RORA: variants seen among roughly 807,000 people sequenced by gnomAD.
RORA encodes RAR related orphan receptor A, also known as nuclear receptor ROR-alpha.
In RORA, 7 loss-of-function variants were observed where a neutral mutation model predicts 69.5. The ratio of observed to expected loss-of-function variants is 0.10; its 90% CI spans 0.06 to 0.19. The LOEUF (loss-of-function observed/expected upper bound fraction) is 0.19. RORA is among the 10% of genes least tolerant of loss of function. RORA has a pLI of 1.00. For missense variants in RORA, 457 were observed against 663.0 expected (o/e 0.69, Z 3.41); for synonymous variants, 261 against 240.8 (o/e 1.08, Z -0.78).
At chr15:60,960,046 AT>A (rs1157878922) in intron 1 of RORA, among the ~76,000 whole-genome samples, 1 of 151,896 alleles carries the variant, frequency 6.6e-6, no homozygotes, top group Admixed American at 6.6e-5. Context: ...TGAAAACAGG[AT>A]TTTTTTTGTG....
At chr15:60,645,859 C>T (rs986254827) in intron 2 of RORA, among the ~76,000 whole-genome samples, 1 of 150,558 alleles carries the variant, frequency 6.6e-6, no homozygotes, top group Non-Finnish European at 1.5e-5. Flanking sequence ...TACATATATA[C>T]AGCATATACA....
intron 1 of RORA, among the ~76,000 whole-genome samples, chr15:60,835,785 T>G (rs957344591): frequency 2.6e-5 from 4 of 152,360 alleles, no homozygotes; most frequent in East Asian, 1.9e-4. Context: ...GGTTTACTAT[T>G]CTGACATGCA....
chr15:60,934,767 T>C (rs1314910306), intron 1 of RORA, among the ~76,000 whole-genome samples: 1 of 152,234 alleles, frequency 6.6e-6, no homozygotes, highest in East Asian at 1.9e-4. Flanking sequence ...CCTCAAGCCA[T>C]CACTGGCTGG....
chr15:60,892,373 G>C (rs993445179), intron 1 of RORA, among the ~76,000 whole-genome samples: 1 of 152,138 alleles, frequency 6.6e-6, no homozygotes, highest in Admixed American at 6.5e-5. Flanking sequence ...GGGGAGGAGG[G>C]TAATTATATA....
intron 1 of RORA, among the ~76,000 whole-genome samples, chr15:61,219,334 G>A (rs968344966): frequency 3.9e-5 from 6 of 152,182 alleles, no homozygotes; most frequent in Non-Finnish European, 5.9e-5. Context: ...CAGCACTTTG[G>A]GAGGCCAAGG....
Position 60,489,829 on chromosome 15 carries a change from G to C in RORA, c.*7626C>G, listed in dbSNP as rs2065013248. 6.6e-6 allele frequency: 1 copy of C among 152,030 alleles called. No individual in the cohort carries two copies. Among genetic ancestry groups the C allele is most frequent in the Non-Finnish European group, 1.5e-5 (1 of 68,002 alleles). The allele number at this position is 152,030 out of a possible 1,614,324, so 9.4% of individuals were successfully genotyped here. A position where few individuals can be genotyped will look rare whatever the true frequency, so the allele number is the denominator to read the frequency against. ...AAGAATACAACTGTGTTAGGTGCCAGTAATACAATTCCTTAATAAGAAAAA... is the reference window on the plus strand; with the variant it reads ...AAGAATACAACTGTGTTAGGTGCCACTAATACAATTCCTTAATAAGAAAAA... On this transcript the variant is annotated 3_prime_UTR_variant, in exon 11 of 11. Transcript: ENST00000335670.
At position 60,702,881 on chromosome 15, in the gene RORA, T is replaced by G. The variant is rs151130821; in HGVS notation, c.167-24195A>C. On this transcript the variant is annotated intron_variant, in intron 1 of 10. Coordinates refer to ENST00000335670, the MANE Select transcript of RORA (RefSeq NM_134261.3). Reference sequence around the variant, plus strand: ...TTGTGTGGAATGGGCCTTTTCCCTCTTGCCATTTTCATTCAAAATATCTGT... The same window carrying G: ...TTGTGTGGAATGGGCCTTTTCCCTCGTGCCATTTTCATTCAAAATATCTGT... Among the ~76,000 whole-genome samples the G allele has an allele frequency of 4.7e-3, 717 of 152,334 alleles. 8 individuals are homozygous for G. The highest frequency in any genetic ancestry group is 0.017 in the African/African-American group (694 of 41,576).
chr15:60,545,859 G>A (rs2067052762), intron 2 of RORA, among the ~76,000 whole-genome samples: 1 of 152,274 alleles, frequency 6.6e-6, no homozygotes, highest in East Asian at 1.9e-4. Flanking sequence ...CCTCAGTGGG[G>A]CAGGCGAGAT....
chr15:60,886,139 T>C (rs921850691), intron 1 of RORA, among the ~76,000 whole-genome samples: 1 of 152,176 alleles, frequency 6.6e-6, no homozygotes. Flanking sequence ...AGCCGAGAAA[T>C]TGTTATATGT....
At chr15:60,678,737 G>A (rs753897738) in intron 1 of RORA, 51 bp from the exon 2 acceptor site, 4 of 1,477,456 alleles carry the variant, frequency 2.7e-6, no homozygotes, top group Non-Finnish European at 3.8e-6. Flanking sequence ...TGTGTGTGCT[G>A]CTTTGAATGT....
intron 1 of RORA, among the ~76,000 whole-genome samples, chr15:61,187,955 C>A (rs2079760251): frequency 6.6e-6 from 1 of 152,172 alleles, no homozygotes; most frequent in South Asian, 2.1e-4. Flanking sequence ...CAACCCTCCC[C>A]TAACACACCC....
chr15:60,558,066 A>C, intron 2 of RORA: 1 of 442,054 alleles, frequency 2.3e-6, no homozygotes, highest in East Asian at 3.4e-5. Flanking sequence ...CAATGACGAA[A>C]GAGAGAATTA....
At chr15:60,592,704 G>A (rs2068569278) in intron 2 of RORA, 11 of 1,050,044 alleles carry the variant, frequency 1.0e-5, no homozygotes, top group South Asian at 3.5e-5. Flanking sequence ...CCGCGGGCAG[G>A]TGAGTAGCAG....
rs201402808 is a variant in RORA, at chr15:61,135,891, CA to C, written c.166+93161del. ...AGCCAACTTGCTGCCACCTTTGAAA[CA>C]CTAGTAAAACTAACCCATAGCTGTA... On this transcript the variant is annotated intron_variant, in intron 1 of 10. Coordinates refer to ENST00000335670, the MANE Select transcript of RORA (RefSeq NM_134261.3). Among the ~76,000 whole-genome samples, 1,234 of 152,284 alleles carry C rather than the reference CA, an allele frequency of 8.1e-3. 15 individuals carry two copies. Among genetic ancestry groups the C allele is most frequent in the African/African-American group, 0.028 (1,167 of 41,548 alleles).
At chr15:60,895,858 C>A (rs747065854) in intron 1 of RORA, among the ~76,000 whole-genome samples, 1 of 152,156 alleles carries the variant, frequency 6.6e-6, no homozygotes, top group Non-Finnish European at 1.5e-5. Flanking sequence ...CTTCACTGCT[C>A]AATTTGTTCA....
chr15:60,826,079 A>G (rs1422085919), intron 1 of RORA, among the ~76,000 whole-genome samples: 2 of 152,192 alleles, frequency 1.3e-5, no homozygotes, highest in African/African-American at 2.4e-5. Flanking sequence ...CCGCTTTCCA[A>G]ATATGAGGAA....
At chr15:61,112,673 G>A (rs796572961) in intron 1 of RORA, among the ~76,000 whole-genome samples, 9 of 152,314 alleles carry the variant, frequency 5.9e-5, no homozygotes, top group African/African-American at 2.2e-4. Context: ...CAGGCTCTGT[G>A]CTAAGAACAT....
intron 1 of RORA, among the ~76,000 whole-genome samples, chr15:61,122,259 C>A (rs1430112245): frequency 6.6e-6 from 1 of 152,194 alleles, no homozygotes; most frequent in Non-Finnish European, 1.5e-5. Context: ...TAAAATCTCA[C>A]AATGGATAAC....
At chr15:60,737,951 A>G (rs2071524511) in intron 1 of RORA, among the ~76,000 whole-genome samples, 1 of 152,272 alleles carries the variant, frequency 6.6e-6, no homozygotes, top group African/African-American at 2.4e-5. Context: ...ATAGGATAAC[A>G]GTTACAAGTG....
Sources: gnomAD v4.1 joint callset for allele counts (sites outside exome capture counted in the v4.1 genomes callset) on GRCh38, gnomAD v4.1.1 for gene constraint, MANE v1.5 for transcripts, NCBI Gene and HGNC (gene_info 2026-07-23, HGNC 2026-07-21) for gene names.